CD160: variants seen among roughly 807,000 people sequenced by gnomAD.
The protein encoded by CD160 is CD160 antigen.
CD160 carries 11 observed loss-of-function variants against 19.2 expected under a neutral mutation model. The ratio of observed to expected loss-of-function variants is 0.57; its 90% confidence interval spans 0.36 to 0.95. CD160 has a LOEUF of 0.95. Ranked by LOEUF, CD160 falls within the 40% of genes least tolerant of loss-of-function variation. The pLI, the probability that CD160 is intolerant of heterozygous loss-of-function variation, is 0.01. For synonymous variants in CD160, 75 were observed against 81.1 expected, an observed-to-expected ratio of 0.93 and a Z score of 0.40; for missense variants, 182 against 213.2, an observed-to-expected ratio of 0.85 and a Z score of 0.91.
intron 3 of CD160, 126 bp from the exon 4 acceptor site, chr1:145,730,618 C>A: frequency 1.4e-6 from 1 of 697,398 alleles, no homozygotes; most frequent in Non-Finnish European, 2.4e-6. Context: ...TATTTCCTGT[C>A]TGCCAGCACT....
intron 4 of CD160, 80 bp downstream of exon 4, chr1:145,731,150 G>A: frequency 8.7e-7 from 1 of 1,145,696 alleles, no homozygotes. Flanking sequence ...AGATAGTTCA[G>A]GTCCTGGAAA....
At chr1:145,724,481 C>T (rs1656976868) in intron 1 of CD160, among the ~76,000 whole-genome samples, 1 of 151,982 alleles carries the variant, frequency 6.6e-6, no homozygotes, top group South Asian at 2.1e-4. Context: ...AGAAATTATC[C>T]CATATTTTAC....
chr1:145,732,228 T>A (rs952248791), intron 4 of CD160, among the ~76,000 whole-genome samples: 4 of 151,914 alleles, frequency 2.6e-5, no homozygotes, highest in Admixed American at 6.5e-5. Flanking sequence ...AAACCAAATG[T>A]AAGGAAAGAA....
chr1:145,737,367 T>TA (rs1413251912), intron 5 of CD160: 1 of 152,200 alleles, frequency 6.6e-6, no homozygotes, highest in African/African-American at 2.4e-5. Flanking sequence ...AAGCACCTCT[T>TA]ACATCCTTCA....
chr1:145,731,763 T>G (rs745520008), intron 4 of CD160, among the ~76,000 whole-genome samples: 18 of 152,206 alleles, frequency 1.2e-4, no homozygotes, highest in Non-Finnish European at 2.5e-4. Context: ...TATTTCTAAA[T>G]TCAGGCAGAC....
Position 145,728,244 on chromosome 1 carries a change from C to T in CD160, c.-72-12C>T. On this transcript the variant is annotated splice_polypyrimidine_tract_variant and intron_variant, in intron 2 of 5. Transcript: ENST00000369288. ...GGAAGGCTTTGTCTAGTGGGTCCCC[C>T]TGTGCTTTTAGGAGACTGAAGCCAA... The T allele has an allele frequency of 1.0e-6, 1 of 970,354 alleles. No individual in the cohort carries two copies. The highest frequency in any genetic ancestry group is 1.6e-6 in the Non-Finnish European group (1 of 611,432). The allele number at this position is 970,354 out of a possible 1,614,324, so 60.1% of individuals were successfully genotyped here.
chr1:145,735,907 A>G, intron 4 of CD160, 90 bp from the exon 5 acceptor site: 1 of 877,040 alleles, frequency 1.1e-6, no homozygotes, highest in South Asian at 1.7e-5. Flanking sequence ...ATCCTTGGAG[A>G]TCATAAAAGA....
At chr1:145,731,896 C>G (rs1248223671) in intron 4 of CD160, among the ~76,000 whole-genome samples, 2 of 152,140 alleles carry the variant, frequency 1.3e-5, no homozygotes, top group African/African-American at 4.8e-5. Flanking sequence ...ACAGCTGGCC[C>G]TCATGAGTTC....
rs1657272659 is a variant in CD160, at chr1:145,731,041, A to G, written c.371A>G (p.Gln124Arg). 6.2e-7 allele frequency: 1 copy of G among 1,613,946 alleles called. No individual in the cohort carries two copies. The highest frequency in any genetic ancestry group is 1.3e-5 in the African/African-American group (1 of 74,912). ...ARSQKSGIRL[Q>R]GHFFSILFTE... ...AGCCAGAAGTCAGGTATCCGCCTTC[A>G]GGGCCATTTTTTCTCCATTCTATTC... The change falls in exon 4 of 6, where the codon CAG becomes CGG. Residue 124 changes from glutamine to arginine, a missense_variant. Transcript: ENST00000369288.
intron 2 of CD160, 86 bp from the exon 3 acceptor site, chr1:145,728,170 T>TA (rs1657127674): frequency 1.6e-6 from 1 of 619,120 alleles, no homozygotes; most frequent in South Asian, 1.8e-5. Flanking sequence ...CATCATACTC[T>TA]AGCCAATCAA....
chr1:145,739,099 A>C lies in CD160; in HGVS notation c.*606A>C, dbSNP rs41299581. On this transcript the variant is annotated 3_prime_UTR_variant, in exon 6 of 6. Transcript: ENST00000369288. ...GACTACAACTGCCCAGCTTCATCTA[A>C]ATACTTGTTAACCTCTTTGGTCATT... is the stretch of plus-strand genomic sequence containing the variant. 6.5e-3 allele frequency: 990 copies of C among 152,598 alleles called. No homozygotes were observed. Among genetic ancestry groups the C allele is most frequent in the Non-Finnish European group, 9.1e-3 (619 of 68,090 alleles). The allele number at this position is 152,598 out of a possible 1,614,324, so 9.5% of individuals were successfully genotyped here.
Position 145,738,552 on chromosome 1 carries a change from T to G in CD160, c.*59T>G. 8.6e-7 allele frequency: 1 copy of G among 1,164,784 alleles called. No homozygotes were observed. Among genetic ancestry groups the G allele is most frequent in the Non-Finnish European group, 1.1e-6 (1 of 886,120 alleles). The allele number at this position is 1,164,784 out of a possible 1,614,324, so 72.2% of individuals were successfully genotyped here. ...CAGCAAGATGAGTCTGACTATGGCT[T>G]AGTATCTTTCTCATTACAATAGGCA... On this transcript the variant is annotated 3_prime_UTR_variant, in exon 6 of 6. Coordinates refer to ENST00000369288, the MANE Select transcript of CD160 (RefSeq NM_007053.4).
intron 1 of CD160, among the ~76,000 whole-genome samples, chr1:145,723,973 C>A (rs991045635): frequency 6.6e-6 from 1 of 152,120 alleles, no homozygotes; most frequent in Non-Finnish European, 1.5e-5. Context: ...TTTCTGTAAG[C>A]TATAGCCAAA....
At position 145,738,686 on chromosome 1, in the gene CD160, A is replaced by T; in HGVS notation, c.*193A>T. On this transcript the variant is annotated 3_prime_UTR_variant, in exon 6 of 6. Coordinates refer to ENST00000369288, the MANE Select transcript of CD160 (RefSeq NM_007053.4). ...GTAATCCTTGACTTTGCTCCTCACC[A>T]TCAGGGCAAACTTGCCTTCTTCCCT... 1 of 395,950 alleles carries T rather than the reference A, an allele frequency of 2.5e-6. No homozygotes were observed. Among genetic ancestry groups the T allele is most frequent in the Non-Finnish European group, 4.5e-6 (1 of 222,726 alleles). 24.5% of individuals were successfully genotyped at this position (395,950 alleles called of 1,614,324 possible). A position where few individuals can be genotyped will look rare whatever the true frequency, so the allele number is the denominator to read the frequency against.
chr1:145,735,993 C>G lies in CD160; in HGVS notation c.401-4C>G, dbSNP rs376709376. On this transcript the variant is annotated splice_polypyrimidine_tract_variant and splice_region_variant and intron_variant, in intron 4 of 5. Transcript: ENST00000369288. ...CCCTGATCCATGATTCTCTTTTGAA[C>G]CAGAGACAGGGAACTACACAGTGAC... 68 of 1,601,814 alleles carry G rather than the reference C, an allele frequency of 4.2e-5. No homozygotes were observed. Among genetic ancestry groups the G allele is most frequent in the Non-Finnish European group, 5.6e-5 (66 of 1,170,868 alleles).
intron 4 of CD160, among the ~76,000 whole-genome samples, chr1:145,731,726 T>C (rs1571683579): frequency 6.6e-6 from 1 of 152,066 alleles, no homozygotes; most frequent in Admixed American, 6.6e-5. Flanking sequence ...TGATTCCCAA[T>C]TCAGAACTCT....
intron 1 of CD160, among the ~76,000 whole-genome samples, chr1:145,719,900 G>A (rs1018506992): frequency 6.6e-6 from 1 of 152,212 alleles, no homozygotes; most frequent in Non-Finnish European, 1.5e-5. Flanking sequence ...GGGGCTTGGA[G>A]CTGGCCCTGT....
rs76900180 is a variant in CD160 at position 145,719,890 on chromosome 1, G to A, written c.-179+331G>A. On this transcript the variant is annotated intron_variant, in intron 1 of 5. Transcript: ENST00000369288. ...CCTGAGACAAGCCGGGAGGTGCCAC[G>A]GGGCTTGGAGCTGGCCCTGTGAGGC... 7.9e-5 allele frequency among the ~76,000 whole-genome samples: 12 copies of A among 152,332 alleles called. No homozygotes were observed. In the East Asian group the frequency reaches 1.9e-3, roughly 24 times the overall value.
intron 4 of CD160, 53 bp from the exon 5 acceptor site, chr1:145,735,944 A>G: frequency 2.4e-6 from 3 of 1,229,184 alleles, no homozygotes; most frequent in Non-Finnish European, 3.5e-6. Flanking sequence ...GCAAAAGGAG[A>G]TACTGATGAT....
Sources: allele counts gnomAD v4.1 joint callset (sites outside exome capture counted in the v4.1 genomes callset), GRCh38; gene constraint gnomAD v4.1.1; transcripts MANE v1.5; gene names NCBI Gene and HGNC (gene_info 2026-07-23, HGNC 2026-07-21).